PARD3B: variants seen among roughly 807,000 people sequenced by gnomAD.
PARD3B encodes partitioning defective 3 homolog B.
A neutral mutation model predicts 130.2 loss-of-function variants in PARD3B; 103 were observed. The ratio of observed to expected loss-of-function variants is 0.79; its 90% CI spans 0.67 to 0.93. The LOEUF is 0.93. Among genes scored for constraint, PARD3B ranks in the 40% least tolerant of loss-of-function variants. The pLI is 0.00. For missense variants in PARD3B, 1,609 were observed against 1,499.2 expected, an observed-to-expected ratio of 1.07 and a Z score of -1.21; for synonymous variants, 583 against 553.2, an observed-to-expected ratio of 1.05 and a Z score of -0.76.
chr2:205,158,547 A>T lies in PARD3B; in HGVS notation c.1435-175A>T, dbSNP rs950833048. Among the ~76,000 whole-genome samples, 1 of 152,140 alleles carries T rather than the reference A, an allele frequency of 6.6e-6. No individual in the cohort carries two copies. Among genetic ancestry groups the T allele is most frequent in the Non-Finnish European group, 1.5e-5 (1 of 68,026 alleles). Reference sequence around the variant, plus strand: ...CCTCTTCCCCTGCTCCATGGATGTGACTGTGGCTCCTTGTGGAGAGCTAAA... The same window carrying T: ...CCTCTTCCCCTGCTCCATGGATGTGTCTGTGGCTCCTTGTGGAGAGCTAAA... On this transcript the variant is annotated intron_variant, in intron 10 of 22. Coordinates refer to ENST00000406610, the MANE Select transcript of PARD3B (RefSeq NM_001302769.2). This position sits in a 1 kb window ranked among gnomAD's most constrained non-coding sequence, Gnocchi z 5.4.
At chr2:204,981,934 A>T (rs1044438076) in intron 3 of PARD3B, among the ~76,000 whole-genome samples, 1 of 152,118 alleles carries the variant, frequency 6.6e-6, no homozygotes, top group African/African-American at 2.4e-5. Flanking sequence ...CAGGGAGTCT[A>T]TCAATGCTAT....
chr2:204,920,945 A>G (rs989282863), intron 2 of PARD3B, among the ~76,000 whole-genome samples: 5 of 152,184 alleles, frequency 3.3e-5, no homozygotes, highest in East Asian at 1.9e-4. Context: ...TAATATTCCT[A>G]TATGTCCACT....
chr2:204,811,953 A>G (rs928803047), intron 2 of PARD3B, among the ~76,000 whole-genome samples: 5 of 152,136 alleles, frequency 3.3e-5, no homozygotes, highest in African/African-American at 1.2e-4. Context: ...TAACATATGT[A>G]TATACCCATA....
intron 4 of PARD3B, among the ~76,000 whole-genome samples, chr2:205,076,709 C>T (rs1272637457): frequency 6.6e-6 from 1 of 152,156 alleles, no homozygotes; most frequent in Non-Finnish European, 1.5e-5. Flanking sequence ...TTGTACGCTC[C>T]TTACGAGAAT....
chr2:204,712,710 A>G (rs1460449329), intron 2 of PARD3B, among the ~76,000 whole-genome samples: 2 of 151,730 alleles, frequency 1.3e-5, no homozygotes, highest in African/African-American at 4.8e-5. Context: ...AATATGATTG[A>G]TAGATAAAGC....
Position 205,541,876 on chromosome 2 carries a change from G to A in PARD3B, c.3181-11448G>A, listed in dbSNP as rs112348471. 5.7e-3 allele frequency among the ~76,000 whole-genome samples: 858 copies of A among 150,430 alleles called. 6 individuals carry two copies. The highest frequency in any genetic ancestry group is 0.02 in the African/African-American group (811 of 41,166). On this transcript the variant is annotated intron_variant, in intron 21 of 22. Coordinates refer to ENST00000406610, the MANE Select transcript of PARD3B (RefSeq NM_001302769.2). Reference sequence around the variant, plus strand: ...CATGTTTGGCTGGCCAGACACGGTGGCTCACACCTGTAATCCCAGCACTTT... The same window carrying A: ...CATGTTTGGCTGGCCAGACACGGTGACTCACACCTGTAATCCCAGCACTTT...
chr2:205,214,100 A>G (rs946549627), intron 15 of PARD3B, among the ~76,000 whole-genome samples: 9 of 151,926 alleles, frequency 5.9e-5, no homozygotes, highest in African/African-American at 2.2e-4. Context: ...TTGTTTTTTA[A>G]TCTCAAGAAG....
intron 15 of PARD3B, among the ~76,000 whole-genome samples, chr2:205,245,336 G>C (rs1234368240): frequency 6.6e-6 from 1 of 152,080 alleles, no homozygotes; most frequent in Non-Finnish European, 1.5e-5. Flanking sequence ...TTACAAATCT[G>C]TTCCCTTTTA....
intron 2 of PARD3B, among the ~76,000 whole-genome samples, chr2:204,964,498 G>A (rs1378192597): frequency 1.3e-5 from 2 of 152,104 alleles, no homozygotes; most frequent in African/African-American, 2.4e-5. Context: ...TAAGGATGTC[G>A]AGTCTTATTG....
At chr2:204,897,816 G>A (rs2046694928) in intron 2 of PARD3B, among the ~76,000 whole-genome samples, 1 of 151,820 alleles carries the variant, frequency 6.6e-6, no homozygotes, top group Non-Finnish European at 1.5e-5. Context: ...GAATGTTGTG[G>A]TAGTCAATCA....
At chr2:204,773,422 AAC>A (rs58759466) in intron 2 of PARD3B, among the ~76,000 whole-genome samples, 1,775 of 152,206 alleles carry the variant, frequency 0.012, 30 homozygotes, top group African/African-American at 0.04. Flanking sequence ...AGATAGCTGT[AAC>A]ACATGTTGTT....
At chr2:205,032,586 A>T (rs1378371179) in intron 3 of PARD3B, among the ~76,000 whole-genome samples, 1 of 152,132 alleles carries the variant, frequency 6.6e-6, no homozygotes, top group Non-Finnish European at 1.5e-5. Flanking sequence ...TCTGCCAGAA[A>T]AGCCTAGTTT....
chr2:204,602,659 T>A (rs2125106773), intron 1 of PARD3B, among the ~76,000 whole-genome samples: 1 of 151,838 alleles, frequency 6.6e-6, no homozygotes, highest in South Asian at 2.1e-4. Flanking sequence ...AGAGATCAAA[T>A]CAACCCTTAT....
chr2:204,656,250 A>AT (rs2035635203), intron 1 of PARD3B, among the ~76,000 whole-genome samples: 1 of 152,268 alleles, frequency 6.6e-6, no homozygotes, highest in East Asian at 1.9e-4. Flanking sequence ...AACTTGGACC[A>AT]TTTTTTATAA....
Position 205,470,643 on chromosome 2 carries a change from G to A in PARD3B, c.3045-29253G>A, listed in dbSNP as rs1245299677. On this transcript the variant is annotated intron_variant, in intron 20 of 22. Transcript: ENST00000406610. The surrounding 1 kb of genome is among the most constrained non-coding windows in gnomAD (Gnocchi z 4.8). ...GCAGGTCACTATCAGCATTTCCAGG[G>A]CAACCCTGTCTCCCACTTAGATCCT... Among the ~76,000 whole-genome samples, 2 of 152,166 alleles carry A rather than the reference G, an allele frequency of 1.3e-5. No homozygotes were observed. The highest frequency in any genetic ancestry group is 6.5e-5 in the Admixed American group (1 of 15,276).
intron 2 of PARD3B, among the ~76,000 whole-genome samples, chr2:204,938,631 A>G (rs72940463): frequency 0.074 from 11,203 of 152,318 alleles, 509 homozygotes; most frequent in Non-Finnish European, 0.1. Context: ...CAACCATGGA[A>G]GTGCATTAAA....
intron 1 of PARD3B, among the ~76,000 whole-genome samples, chr2:204,587,990 A>G (rs572664568): frequency 4.4e-4 from 67 of 152,320 alleles, no homozygotes; most frequent in Non-Finnish European, 7.2e-4. Flanking sequence ...TTTCATTTAT[A>G]AATGACCCAG....
At chr2:204,931,111 G>T (rs757061750) in intron 2 of PARD3B, among the ~76,000 whole-genome samples, 9 of 152,028 alleles carry the variant, frequency 5.9e-5, no homozygotes, top group Non-Finnish European at 1.2e-4. Context: ...AAAAAAAAAT[G>T]AATCAACCTT....
intron 6 of PARD3B, among the ~76,000 whole-genome samples, chr2:205,115,852 T>G (rs1257350825): frequency 5.9e-5 from 9 of 152,226 alleles, no homozygotes; most frequent in Non-Finnish European, 1.3e-4. Flanking sequence ...ATTTATTGGT[T>G]TGTGCCATTA....
Sources: allele counts gnomAD v4.1 joint callset (sites outside exome capture counted in the v4.1 genomes callset), GRCh38; gene constraint gnomAD v4.1.1; non-coding constraint Gnocchi (gnomAD v3.1); transcripts MANE v1.5; gene names NCBI Gene and HGNC (gene_info 2026-07-23, HGNC 2026-07-21).